Variants in SLC5A7 observed in about 807,000 individuals in gnomAD.
The protein encoded by SLC5A7 is solute carrier family 5 member 7, also known as high affinity choline transporter 1.
In SLC5A7, 19 loss-of-function variants were observed where a neutral mutation model predicts 55.4. The ratio of observed to expected loss-of-function variants is 0.34; its 90% CI spans 0.24 to 0.50. The LOEUF is 0.50. Ranked by LOEUF, SLC5A7 falls within the 20% of genes least tolerant of loss-of-function variation. The pLI is 0.98. For synonymous variants in SLC5A7, 265 were observed against 263.7 expected (o/e 1.00, Z -0.05); for missense variants, 506 against 705.3 (o/e 0.72, Z 3.20).
intron 5 of SLC5A7, among the ~76,000 whole-genome samples, chr2:108,000,926 T>TC (rs1491142568): frequency 3.2e-5 from 4 of 126,896 alleles, no homozygotes; most frequent in Non-Finnish European, 4.9e-5. Flanking sequence ...AATACAATTC[T>TC]TTTTTTTTTT....
At chr2:108,006,930 A>G (rs1194031375) in intron 7 of SLC5A7, among the ~76,000 whole-genome samples, 2 of 152,204 alleles carry the variant, frequency 1.3e-5, no homozygotes, top group South Asian at 2.1e-4. Flanking sequence ...ATGGATAAGC[A>G]TTTAGGTCAA....
chr2:108,008,394 G>A, intron 7 of SLC5A7, 71 bp from the exon 8 acceptor site: 1 of 1,200,912 alleles, frequency 8.3e-7, no homozygotes, highest in South Asian at 1.4e-5. Context: ...CTAGTAAATA[G>A]GATGACCCCA....
At chr2:108,006,300 A>T in intron 7 of SLC5A7, 98 bp downstream of exon 7, 1 of 1,351,584 alleles carries the variant, frequency 7.4e-7, no homozygotes. Context: ...CACATAGTGA[A>T]TTCTTTCTCA....
At chr2:108,002,145 TG>T (rs1188229823) in intron 6 of SLC5A7, 105 bp downstream of exon 6, 19 of 1,328,158 alleles carry the variant, frequency 1.4e-5, no homozygotes, top group Non-Finnish European at 2.0e-5. Context: ...TGTGGGCTCA[TG>T]GCCATTTCTG....
At chr2:108,006,008 G>T in intron 6 of SLC5A7, 41 bp from the exon 7 acceptor site, 2 of 1,609,304 alleles carry the variant, frequency 1.2e-6, no homozygotes, top group South Asian at 1.1e-5. Flanking sequence ...TTAAAAAAAT[G>T]AATAGATGTT....
At chr2:107,988,924 TAA>T (rs2104334085) in intron 2 of SLC5A7, among the ~76,000 whole-genome samples, 1 of 152,316 alleles carries the variant, frequency 6.6e-6, no homozygotes, top group East Asian at 1.9e-4. Flanking sequence ...ACAGCACTAA[TAA>T]AGAGATTTCA....
intron 1 of SLC5A7, among the ~76,000 whole-genome samples, chr2:107,987,019 A>T (rs557994923): frequency 6.6e-6 from 1 of 151,744 alleles, no homozygotes; most frequent in East Asian, 2.0e-4. Flanking sequence ...GCGGAGAGGA[A>T]CTTGCCTGCT....
rs1678308373 is a variant in SLC5A7 at position 108,011,017 on chromosome 2, A to T, written c.*156A>T. 2.1e-5 allele frequency: 15 copies of T among 720,340 alleles called. No homozygotes were observed. The highest frequency in any genetic ancestry group is 3.8e-5 in the Admixed American group (1 of 26,576). 44.6% of individuals were successfully genotyped at this position (720,340 alleles called of 1,614,324 possible). Reference sequence around the variant, plus strand: ...AGTGCAATTGCACAAATACAAGCCAAGCTAGAAGGAAGCACCTATGAAAGC... The same window carrying T: ...AGTGCAATTGCACAAATACAAGCCATGCTAGAAGGAAGCACCTATGAAAGC... On this transcript the variant is annotated 3_prime_UTR_variant, in exon 9 of 9. Transcript: ENST00000264047.
chr2:108,002,994 A>G (rs1677975174), intron 6 of SLC5A7, among the ~76,000 whole-genome samples: 1 of 152,214 alleles, frequency 6.6e-6, no homozygotes, highest in Admixed American at 6.5e-5. Context: ...GAATTCTAGC[A>G]TTACCTCAAC....
chr2:107,996,277 T>C (rs533509647), intron 4 of SLC5A7, among the ~76,000 whole-genome samples: 1 of 152,216 alleles, frequency 6.6e-6, no homozygotes, highest in Non-Finnish European at 1.5e-5. Flanking sequence ...CAGTCAGTTA[T>C]CTGAAGTCAC....
intron 5 of SLC5A7, 67 bp from the exon 6 acceptor site, chr2:108,001,830 C>T (rs1053237911): frequency 2.5e-6 from 4 of 1,569,324 alleles, no homozygotes; most frequent in Middle Eastern, 1.7e-4. Flanking sequence ...GTGAGGTGTA[C>T]AAATCTTGCA....
intron 4 of SLC5A7, among the ~76,000 whole-genome samples, chr2:107,995,464 AGAGAGAGT>A (rs1343556904): frequency 6.8e-4 from 88 of 129,142 alleles, no homozygotes; most frequent in African/African-American, 1.8e-3. Flanking sequence ...AGAGAGAGAG[AGAGAGAGT>A]GTGTGTGTGT....
chr2:107,994,798 T>C (rs1366018782), intron 4 of SLC5A7, among the ~76,000 whole-genome samples: 3 of 152,076 alleles, frequency 2.0e-5, no homozygotes, highest in Non-Finnish European at 4.4e-5. Flanking sequence ...TAAGAACAAA[T>C]TACCTGCTGA....
chr2:108,010,140 G>C, intron 8 of SLC5A7, 92 bp from the exon 9 acceptor site: 1 of 1,458,418 alleles, frequency 6.9e-7, no homozygotes, highest in South Asian at 1.4e-5. Context: ...GAATTCTTTA[G>C]ACCAGTTTTG....
In SLC5A7 at chr2:108,010,295, A is replaced by G. The variant is rs75427357; in HGVS notation, c.1177A>G (p.Thr393Ala). Residue 393 changes from threonine (T) to alanine (A), a missense_variant, in exon 9 of 9, where the codon ACA becomes GCA. Physicochemically the swap from Thr to Ala is moderately conservative, Grantham distance 58. Around this residue, in one of 4 missense-constraint regions of SLC5A7, gnomAD observed 309 missense variants for 478.6 expected, o/e 0.65. Transcript: ENST00000264047. ...ITVFVFGASATAMALLTKTVY... is the reference protein window; with the variant it reads ...ITVFVFGASAAAMALLTKTVY... Reference sequence around the variant, plus strand: ...AGTGTTTGTGTTTGGAGCATCTGCAACAGCCATGGCCTTGCTGACGAAAAC... The same window carrying G: ...AGTGTTTGTGTTTGGAGCATCTGCAGCAGCCATGGCCTTGCTGACGAAAAC... 73 of 1,613,840 alleles carry G rather than the reference A, an allele frequency of 4.5e-5. No individual in the cohort carries two copies. The African/African-American group carries it at 8.3e-4, about 18-fold the overall frequency.
rs189347391 is a variant in SLC5A7 at position 108,000,422 on chromosome 2, T to C, written c.598-1475T>C. 3.7e-3 allele frequency among the ~76,000 whole-genome samples: 556 copies of C among 152,090 alleles called. 2 individuals carry two copies. Among genetic ancestry groups the C allele is most frequent in the Non-Finnish European group, 5.8e-3 (397 of 67,990 alleles). On this transcript the variant is annotated intron_variant, in intron 5 of 8. Coordinates refer to ENST00000264047, the MANE Select transcript of SLC5A7 (RefSeq NM_021815.5). ...CTACACACACTTTTATATGGATATATATTTCAAATATAATTTTTAAAAAAT... is the reference window on the plus strand; with the variant it reads ...CTACACACACTTTTATATGGATATACATTTCAAATATAATTTTTAAAAAAT...
chr2:108,009,308 A>G (rs1454681917), intron 8 of SLC5A7, among the ~76,000 whole-genome samples: 1 of 152,094 alleles, frequency 6.6e-6, no homozygotes, highest in African/African-American at 2.4e-5. Context: ...TAACCAAAGG[A>G]ACTCCTTGAA....
Position 108,010,558 on chromosome 2 carries a change from A to G in SLC5A7, c.1440A>G (p.Lys480=), listed in dbSNP as rs3731682. ...NGIYNQKFPF[K]TLAMVTSFLT... ...TATATAATCAGAAATTTCCATTTAA[A>G]ACACTTGCCATGGTTACATCATTCT... The change falls in exon 9 of 9, where the codon AAA becomes AAG. Residue 480 remains lysine (K), a synonymous_variant. Transcript: ENST00000264047. The G allele has an allele frequency of 1.0e-4, 166 of 1,613,784 alleles. 1 individual carries two copies. The East Asian group carries it at 3.5e-3, about 34-fold the overall frequency.
At chr2:107,990,519 A>G (rs902045264) in intron 2 of SLC5A7, among the ~76,000 whole-genome samples, 2 of 152,240 alleles carry the variant, frequency 1.3e-5, no homozygotes, top group African/African-American at 4.8e-5. Flanking sequence ...AGTGAAAAAA[A>G]AAAGCCATTT....
Sources: allele counts gnomAD v4.1 joint callset (sites outside exome capture counted in the v4.1 genomes callset), GRCh38; gene constraint gnomAD v4.1.1; regional missense constraint gnomAD v4.1.1; transcripts MANE v1.5; gene names NCBI Gene and HGNC (gene_info 2026-07-23, HGNC 2026-07-21).